Variants in DNER observed in about 807,000 individuals in gnomAD.
DNER encodes delta/notch like EGF repeat containing.
In DNER, 33 loss-of-function variants were observed where a neutral mutation model predicts 78.2. The ratio of observed to expected loss-of-function variants is 0.42; its 90% CI spans 0.32 to 0.56. The LOEUF (loss-of-function observed/expected upper bound fraction) is 0.56, where lower values mean the gene tolerates loss of function less well. DNER is among the 20% of genes least tolerant of loss of function. DNER has a pLI of 0.11. For synonymous variants in DNER, 417 were observed against 384.8 expected (o/e 1.08, Z -0.98); for missense variants, 918 against 975.3 (o/e 0.94, Z 0.78).
intron 4 of DNER, among the ~76,000 whole-genome samples, chr2:229,578,318 G>A (rs1049536482): frequency 5.3e-5 from 8 of 152,184 alleles, no homozygotes; most frequent in Non-Finnish European, 1.2e-4. Context: ...GCAGTCACAG[G>A]AGCTGGTAGT....
At chr2:229,648,007 T>C (rs1698749973) in intron 1 of DNER, among the ~76,000 whole-genome samples, 4 of 152,126 alleles carry the variant, frequency 2.6e-5, no homozygotes, top group Admixed American at 2.6e-4. Flanking sequence ...AGAAAACAAC[T>C]AAAGAAATAG....
At chr2:229,375,801 C>G (rs1055978535) in intron 11 of DNER, among the ~76,000 whole-genome samples, 1 of 152,180 alleles carries the variant, frequency 6.6e-6, no homozygotes, top group African/African-American at 2.4e-5. Context: ...TTAAATGTTG[C>G]AGCCTAATCC....
At chr2:229,476,164 C>T (rs1451914986) in intron 7 of DNER, among the ~76,000 whole-genome samples, 3 of 152,186 alleles carry the variant, frequency 2.0e-5, no homozygotes, top group Non-Finnish European at 4.4e-5. Flanking sequence ...CCGGCCCCCA[C>T]CCTGGCCCCT....
intron 1 of DNER, among the ~76,000 whole-genome samples, chr2:229,600,131 C>A (rs531650701): frequency 6.6e-6 from 1 of 152,294 alleles, no homozygotes; most frequent in East Asian, 1.9e-4. Flanking sequence ...GGCCCCAAAA[C>A]CAAAATTTAG....
At chr2:229,365,897 C>A (rs1448702739) in intron 12 of DNER, among the ~76,000 whole-genome samples, 1 of 152,236 alleles carries the variant, frequency 6.6e-6, no homozygotes, top group African/African-American at 2.4e-5. Flanking sequence ...ATTCAATTAA[C>A]AAAAGAAGAG....
chr2:229,636,276 T>C (rs58887285), intron 1 of DNER, among the ~76,000 whole-genome samples: 28,120 of 152,192 alleles, frequency 0.18, 2,775 homozygotes, highest in South Asian at 0.29. Context: ...TCAGAATCCC[T>C]GAGTCAGAAG....
intron 8 of DNER, among the ~76,000 whole-genome samples, chr2:229,442,408 G>A (rs1008612683): frequency 6.6e-5 from 10 of 152,018 alleles, no homozygotes; most frequent in African/African-American, 2.4e-4. Context: ...CCAGCTACTA[G>A]GGAGGCTGAG....
At chr2:229,454,797 C>A (rs1001168571) in intron 7 of DNER, among the ~76,000 whole-genome samples, 6 of 151,952 alleles carry the variant, frequency 3.9e-5, no homozygotes, top group African/African-American at 1.5e-4. Context: ...GGAACTAATA[C>A]TTAATATTTT....
chr2:229,491,108 G>A (rs1411058436), intron 6 of DNER, among the ~76,000 whole-genome samples: 1 of 152,176 alleles, frequency 6.6e-6, no homozygotes, highest in Non-Finnish European at 1.5e-5. Flanking sequence ...GCCAGGTCCA[G>A]GTTCCTTCTC....
At chr2:229,385,967 C>G (rs551575678) in intron 11 of DNER, among the ~76,000 whole-genome samples, 1 of 152,210 alleles carries the variant, frequency 6.6e-6, no homozygotes, top group Non-Finnish European at 1.5e-5. Flanking sequence ...TTGGAAAAAT[C>G]TACTTTAAAG....
At chr2:229,477,480 A>T (rs902628052) in intron 6 of DNER, among the ~76,000 whole-genome samples, 1 of 152,222 alleles carries the variant, frequency 6.6e-6, no homozygotes, top group Non-Finnish European at 1.5e-5. Context: ...AAAAATCTTT[A>T]TTGCAAGAAG....
intron 1 of DNER, among the ~76,000 whole-genome samples, chr2:229,628,224 GA>G (rs2154215661): frequency 6.6e-6 from 1 of 152,260 alleles, no homozygotes; most frequent in African/African-American, 2.4e-5. Context: ...CAGAGGAGGG[GA>G]AATAGATCAA....
intron 1 of DNER, among the ~76,000 whole-genome samples, chr2:229,617,763 G>A (rs567181154): frequency 3.8e-4 from 58 of 152,236 alleles, no homozygotes; most frequent in African/African-American, 1.3e-3. Flanking sequence ...AGGCCAGCCT[G>A]AGCAACATGG....
chr2:229,449,292 T>A (rs979567367), intron 7 of DNER, among the ~76,000 whole-genome samples: 5 of 152,218 alleles, frequency 3.3e-5, no homozygotes, highest in Non-Finnish European at 7.3e-5. Context: ...GTACTATATG[T>A]TACCGTCACT....
Position 229,439,666 on chromosome 2 carries a change from T to G in DNER, c.1486+7650A>C, listed in dbSNP as rs79240557. On this transcript the variant is annotated intron_variant, in intron 8 of 12. Transcript: ENST00000341772. ...ATCATAATAATTTTCAACCACATAG[T>G]AAGAGTCAATGGCTTTGTTACAAAA... is the stretch of plus-strand genomic sequence containing the variant. Among the ~76,000 whole-genome samples the G allele has an allele frequency of 8.9e-3, 1,353 of 152,284 alleles. 26 individuals carry two copies. Among genetic ancestry groups the G allele is most frequent in the African/African-American group, 0.031 (1,296 of 41,552 alleles).
chr2:229,681,227 C>T (rs972049589), intron 1 of DNER, among the ~76,000 whole-genome samples: 4 of 152,114 alleles, frequency 2.6e-5, no homozygotes, highest in Admixed American at 2.6e-4. Flanking sequence ...TAATCTGGCT[C>T]CAGAACACCA....
chr2:229,464,898 C>T lies in DNER; in HGVS notation c.1261+12242G>A, dbSNP rs149617289. On this transcript the variant is annotated intron_variant, in intron 7 of 12. Coordinates refer to ENST00000341772, the MANE Select transcript of DNER (RefSeq NM_139072.4). ...TGGATGTAAGGTGAATGAATGGCTT[C>T]CGCCTGGAGGACAATTTCTAAGCCT... Among the ~76,000 whole-genome samples, 46 of 152,190 alleles carry T rather than the reference C, an allele frequency of 3.0e-4. No homozygotes were observed. The East Asian group carries it at 8.9e-3, about 29-fold the overall frequency.
intron 8 of DNER, 49 bp downstream of exon 8, chr2:229,447,267 G>T: frequency 6.7e-7 from 1 of 1,498,786 alleles, no homozygotes; most frequent in Non-Finnish European, 9.0e-7. Flanking sequence ...TTTTGAGATT[G>T]GTTTGAGATT....
intron 8 of DNER, among the ~76,000 whole-genome samples, chr2:229,430,266 C>T (rs1210663858): frequency 2.0e-5 from 3 of 152,132 alleles, no homozygotes; most frequent in Admixed American, 6.5e-5. Flanking sequence ...GTGATATAAG[C>T]GGGTAATATC....
Sources: allele counts gnomAD v4.1 joint callset (sites outside exome capture counted in the v4.1 genomes callset), GRCh38; gene constraint gnomAD v4.1.1; transcripts MANE v1.5; gene names NCBI Gene and HGNC (gene_info 2026-07-23, HGNC 2026-07-21).